TMEM132C: variants seen among roughly 807,000 people sequenced by gnomAD.
The protein encoded by TMEM132C is protein phosphatase 1, regulatory subunit 152.
TMEM132C carries 29 observed loss-of-function variants against 61.4 expected under a neutral mutation model. The observed-to-expected ratio is 0.47, with a 90% CI of 0.35 to 0.64. The LOEUF is 0.64. Ranked by LOEUF, TMEM132C falls within the 30% of genes least tolerant of loss-of-function variation. TMEM132C has a pLI of 0.00. For missense variants in TMEM132C, 1,408 were observed against 1,476.9 expected, an observed-to-expected ratio of 0.95 and a Z score of 0.76; for synonymous variants, 656 against 633.1, an observed-to-expected ratio of 1.04 and a Z score of -0.54.
intron 2 of TMEM132C, among the ~76,000 whole-genome samples, chr12:128,509,819 A>G (rs1256318016): frequency 6.6e-6 from 1 of 152,220 alleles, no homozygotes; most frequent in Non-Finnish European, 1.5e-5. Flanking sequence ...AAATAAGGCC[A>G]GTGAGCCTTT....
At chr12:128,321,252 G>A (rs1872325253) in intron 1 of TMEM132C, among the ~76,000 whole-genome samples, 1 of 151,894 alleles carries the variant, frequency 6.6e-6, no homozygotes, top group Admixed American at 6.6e-5. Flanking sequence ...TCTTTCAGTG[G>A]GGAAATGGTT....
chr12:128,538,241 C>G (rs146270101), intron 2 of TMEM132C, among the ~76,000 whole-genome samples: 1 of 152,330 alleles, frequency 6.6e-6, no homozygotes, highest in African/African-American at 2.4e-5. Flanking sequence ...CTGCCTCAGT[C>G]TCCCAAGTAG....
chr12:128,315,980 C>T (rs10773528), intron 1 of TMEM132C, among the ~76,000 whole-genome samples: 130,480 of 151,562 alleles, frequency 0.86, 56,451 homozygotes, highest in South Asian at 0.92. Flanking sequence ...GCCTTTGGCC[C>T]CCAGAATAGT....
At chr12:128,529,669 C>A (rs1283846048) in intron 2 of TMEM132C, among the ~76,000 whole-genome samples, 1 of 152,098 alleles carries the variant, frequency 6.6e-6, no homozygotes, top group Non-Finnish European at 1.5e-5. Flanking sequence ...CCCTGTAATC[C>A]CAGCTTCTCA....
intron 2 of TMEM132C, among the ~76,000 whole-genome samples, chr12:128,505,101 T>C (rs1484088704): frequency 1.3e-5 from 2 of 149,234 alleles, no homozygotes; most frequent in Middle Eastern, 3.2e-3. Context: ...TAGAGTCCTT[T>C]GGTTGCAAGC....
Position 128,378,358 on chromosome 12 carries a change from C to T in TMEM132C, c.86-36374C>T, listed in dbSNP as rs113950666. ...GTCTCGATCTCCTGACTTCATGATC[C>T]GCCCGCCTCGGCCTCCCAAAGTGCT... On this transcript the variant is annotated intron_variant, in intron 1 of 8. Coordinates refer to ENST00000435159, the MANE Select transcript of TMEM132C (RefSeq NM_001136103.3). Among the ~76,000 whole-genome samples the T allele has an allele frequency of 9.5e-3, 1,442 of 152,122 alleles. 21 individuals carry two copies. Among genetic ancestry groups the T allele is most frequent in the African/African-American group, 0.033 (1,360 of 41,516 alleles).
intron 1 of TMEM132C, among the ~76,000 whole-genome samples, chr12:128,286,950 C>T (rs79349254): frequency 2.6e-5 from 4 of 152,270 alleles, no homozygotes; most frequent in East Asian, 1.9e-4. Context: ...AGAAAGAAGA[C>T]GAAGAAAAAC....
chr12:128,348,625 A>T (rs1212014083), intron 1 of TMEM132C, among the ~76,000 whole-genome samples: 2 of 152,232 alleles, frequency 1.3e-5, no homozygotes, highest in African/African-American at 4.8e-5. Flanking sequence ...GTGTCCAACC[A>T]ACCTAGTTTT....
chr12:128,620,576 C>CA (rs1953955263), intron 4 of TMEM132C, among the ~76,000 whole-genome samples: 1 of 152,058 alleles, frequency 6.6e-6, no homozygotes, highest in Non-Finnish European at 1.5e-5. Context: ...AAATTTTAGG[C>CA]AAAAAACTCT....
intron 2 of TMEM132C, among the ~76,000 whole-genome samples, chr12:128,484,798 A>G (rs898738829): frequency 6.6e-5 from 10 of 152,178 alleles, no homozygotes; most frequent in African/African-American, 2.4e-4. Flanking sequence ...CTCTATATAA[A>G]ATTTTAAAAA....
chr12:128,370,856 A>T (rs1874008085), intron 1 of TMEM132C, among the ~76,000 whole-genome samples: 1 of 152,128 alleles, frequency 6.6e-6, no homozygotes, highest in African/African-American at 2.4e-5. Flanking sequence ...CTTATCCTGC[A>T]CGGCACCAGA....
chr12:128,610,268 C>G (rs910056261), intron 3 of TMEM132C, among the ~76,000 whole-genome samples: 1 of 152,200 alleles, frequency 6.6e-6, no homozygotes, highest in Non-Finnish European at 1.5e-5. Flanking sequence ...TGGTTAGTCT[C>G]TTTTCTTTCT....
At chr12:128,268,939 G>A (rs1258454196) in intron 1 of TMEM132C, among the ~76,000 whole-genome samples, 3 of 110,716 alleles carry the variant, frequency 2.7e-5, no homozygotes, top group Non-Finnish European at 5.1e-5. Flanking sequence ...GGGCGAGAGA[G>A]GGGGGAAAGG....
chr12:128,586,748 C>T (rs987240505), intron 3 of TMEM132C, among the ~76,000 whole-genome samples: 5 of 152,166 alleles, frequency 3.3e-5, no homozygotes, highest in South Asian at 2.1e-4. Flanking sequence ...TACATAAAGC[C>T]GATTTAAACT....
At chr12:128,632,499 A>G (rs1489421) in intron 4 of TMEM132C, among the ~76,000 whole-genome samples, 35,800 of 152,112 alleles carry the variant, frequency 0.24, 5,815 homozygotes, top group African/African-American at 0.46. Context: ...CATACTCCAA[A>G]TTTATTAGTA....
At chr12:128,633,358 C>T (rs1193868178) in intron 4 of TMEM132C, among the ~76,000 whole-genome samples, 1 of 152,178 alleles carries the variant, frequency 6.6e-6, no homozygotes, top group Non-Finnish European at 1.5e-5. Flanking sequence ...ACAGGGATTA[C>T]TGGGACCATC....
At chr12:128,643,901 CA>C (rs557385145) in intron 4 of TMEM132C, among the ~76,000 whole-genome samples, 4 of 149,946 alleles carry the variant, frequency 2.7e-5, no homozygotes, top group Admixed American at 6.6e-5. Context: ...GAACTTGAGC[CA>C]AAAAAAAGCA....
chr12:128,599,641 C>T (rs1272215396), intron 3 of TMEM132C, among the ~76,000 whole-genome samples: 1 of 152,206 alleles, frequency 6.6e-6, no homozygotes, highest in Non-Finnish European at 1.5e-5. Flanking sequence ...TAAGCTGAAT[C>T]TGCAAAGGAG....
At chr12:128,336,476 C>T (rs1313974644) in intron 1 of TMEM132C, among the ~76,000 whole-genome samples, 1 of 152,118 alleles carries the variant, frequency 6.6e-6, no homozygotes, top group East Asian at 1.9e-4. Flanking sequence ...ATATTTAAGC[C>T]AAGTTACTAT....
Sources: allele counts gnomAD v4.1 joint callset (sites outside exome capture counted in the v4.1 genomes callset), GRCh38; gene constraint gnomAD v4.1.1; transcripts MANE v1.5; gene names NCBI Gene and HGNC (gene_info 2026-07-23, HGNC 2026-07-21).